The following ANO4 variants were observed in gnomAD, a reference collection of about 807,000 sequenced individuals.
ANO4 encodes anoctamin-4.
In ANO4, 69 loss-of-function variants were observed where a neutral mutation model predicts 141.9. That is an observed-to-expected ratio of 0.49 (90% CI 0.40 to 0.59). The LOEUF is 0.59. ANO4 is among the 20% of genes least tolerant of loss of function. The probability of loss-of-function intolerance (pLI) is 0.00; values close to 1 mark genes in which losing one functional copy is unlikely to be tolerated. For missense variants in ANO4, 894 were observed against 1,162.2 expected (o/e 0.77, Z 3.36); for synonymous variants, 350 against 394.3 (o/e 0.89, Z 1.33).
intron 14 of ANO4, among the ~76,000 whole-genome samples, chr12:101,054,250 A>G (rs1293424980): frequency 6.6e-6 from 1 of 152,234 alleles, no homozygotes; most frequent in Non-Finnish European, 1.5e-5. Context: ...AAATTTTTTT[A>G]AAGTAGGGTA....
chr12:100,837,851 T>A (rs1351250219), intron 1 of ANO4, among the ~76,000 whole-genome samples: 1 of 152,134 alleles, frequency 6.6e-6, no homozygotes, highest in African/African-American at 2.4e-5. Flanking sequence ...TCTTTAGATT[T>A]TCAAGTCAGC....
chr12:101,096,620 C>T lies in ANO4; in HGVS notation c.1823C>T (p.Thr608Ile), dbSNP rs757367090. ...LFQFVNLNSSTFYIAFFLGRF... is the reference protein window; with the variant it reads ...LFQFVNLNSSIFYIAFFLGRF... ...CAGTTTGTCAATCTGAACAGCTCCA[C>T]ATTTTACATCGCATTCTTCCTCGGA... Residue 608 changes from threonine (T) to isoleucine (I), a missense_variant, in exon 19 of 28, where the codon ACA (threonine) becomes ATA (isoleucine). By Grantham distance (89) the Thr-to-Ile change is moderately conservative. Around this residue, in one of 2 missense-constraint regions of ANO4, gnomAD observed 637 missense variants for 909.2 expected, o/e 0.70. Transcript: ENST00000392977. 6.2e-7 allele frequency: 1 copy of T among 1,613,430 alleles called. No homozygotes were observed. The highest frequency in any genetic ancestry group is 1.7e-5 in the Admixed American group (1 of 59,990).
At chr12:100,786,675 A>G (rs1758306945) in intron 3 of ANO4, among the ~76,000 whole-genome samples, 1 of 152,174 alleles carries the variant, frequency 6.6e-6, no homozygotes, top group South Asian at 2.1e-4. Flanking sequence ...GGAATGCTTT[A>G]CTATCCCCAA....
intron 3 of ANO4, among the ~76,000 whole-genome samples, chr12:100,926,985 G>T (rs769265094): frequency 6.6e-6 from 1 of 152,084 alleles, no homozygotes; most frequent in Non-Finnish European, 1.5e-5. Context: ...TGGGAAGGGG[G>T]CAGTCTCATC....
chr12:101,044,763 T>G (rs959524460), intron 13 of ANO4, among the ~76,000 whole-genome samples: 2 of 152,164 alleles, frequency 1.3e-5, no homozygotes, highest in African/African-American at 4.8e-5. Context: ...ATTTGAGCTC[T>G]TATGTTGCAA....
intron 22 of ANO4, among the ~76,000 whole-genome samples, chr12:101,104,700 A>C (rs2050373257): frequency 1.4e-5 from 2 of 140,850 alleles, no homozygotes; most frequent in African/African-American, 5.2e-5. Flanking sequence ...ATGCTCCTTT[A>C]TACCATCTAT....
intron 1 of ANO4, among the ~76,000 whole-genome samples, chr12:100,812,457 T>G (rs1469818621): frequency 6.6e-6 from 1 of 151,654 alleles, no homozygotes. Context: ...AACTCCAATA[T>G]GTTTGTATTT....
intron 1 of ANO4, among the ~76,000 whole-genome samples, chr12:100,810,203 A>G (rs2035320811): frequency 7.0e-6 from 1 of 143,244 alleles, no homozygotes; most frequent in East Asian, 2.4e-4. Flanking sequence ...TGATCAGGAC[A>G]TGAGCTGGGG....
chr12:100,850,491 A>G (rs368056653), intron 1 of ANO4, among the ~76,000 whole-genome samples: 4 of 151,888 alleles, frequency 2.6e-5, no homozygotes, highest in South Asian at 2.1e-4. Context: ...GAGGATCTAA[A>G]TTTTTTTCTT....
chr12:101,096,456 T>G, intron 18 of ANO4, 80 bp from the exon 19 acceptor site: 6 of 1,088,452 alleles, frequency 5.5e-6, no homozygotes, highest in Admixed American at 5.3e-5. Context: ...CCCCACCCTG[T>G]GTGTGTGGGG....
At chr12:101,018,806 T>G (rs1164495371) in intron 8 of ANO4, among the ~76,000 whole-genome samples, 1 of 152,194 alleles carries the variant, frequency 6.6e-6, no homozygotes, top group African/African-American at 2.4e-5. Context: ...CTTGCCTTTC[T>G]CTGGCATACA....
chr12:100,727,793 T>C (rs1055239103), intron 1 of ANO4, among the ~76,000 whole-genome samples: 4 of 152,148 alleles, frequency 2.6e-5, no homozygotes, highest in Admixed American at 6.5e-5. Context: ...TTATATTCCT[T>C]CTCCCACTGT....
At chr12:100,726,960 A>AC (rs535734069) in intron 1 of ANO4, among the ~76,000 whole-genome samples, 44,794 of 141,548 alleles carry the variant, frequency 0.32, 7,126 homozygotes, top group Non-Finnish European at 0.35. Context: ...TTGCCCCGGG[A>AC]CCCCCCCCGC....
At chr12:100,973,967 A>C (rs2044043173) in intron 6 of ANO4, among the ~76,000 whole-genome samples, 1 of 152,214 alleles carries the variant, frequency 6.6e-6, no homozygotes, top group Non-Finnish European at 1.5e-5. Context: ...GTGATATATA[A>C]ACTTACCATT....
At chr12:100,717,531 C>T in exon 1 of ANO4, 1 of 399,402 alleles carries the variant, frequency 2.5e-6, no homozygotes, top group Non-Finnish European at 4.4e-6. Flanking sequence ...CCAGGATGGC[C>T]TCCCTCACCG....
In ANO4 at chr12:101,128,030, T is replaced by C. The variant is rs1418565064; in HGVS notation, c.*174T>C. ...AGGACTGGCGTTGGAGTCACACTGC[T>C]GTGAAATCACGTTGCAGTCCAGCGC... On this transcript the variant is annotated 3_prime_UTR_variant, in exon 28 of 28. Coordinates refer to ENST00000392977, the MANE Select transcript of ANO4 (RefSeq NM_001286615.2). The C allele has an allele frequency of 1.3e-5, 2 of 152,674 alleles. No homozygotes were observed. The highest frequency in any genetic ancestry group is 4.8e-5 in the African/African-American group (2 of 41,464). 9.5% of individuals were successfully genotyped at this position (152,674 alleles called of 1,614,324 possible). A position where few individuals can be genotyped will look rare whatever the true frequency, so the allele number is the denominator to read the frequency against.
At chr12:100,799,673 G>A (rs767242853) in intron 1 of ANO4, among the ~76,000 whole-genome samples, 6 of 152,102 alleles carry the variant, frequency 3.9e-5, no homozygotes, top group African/African-American at 7.2e-5. Flanking sequence ...CCCAGGAGGC[G>A]GAGGTTGCAG....
rs1162394653 is a variant in ANO4, at chr12:100,765,623, G to A, written c.358+25518G>A. On this transcript the variant is annotated intron_variant, in intron 3 of 29. Transcript: ENST00000644049. ...ACTCCTGGGCTCAAGCGATCTTTCC[G>A]CCTTAGCCTCCCAGAATGCTAGGAA... Among the ~76,000 whole-genome samples, 5 of 148,806 alleles carry A rather than the reference G, an allele frequency of 3.4e-5. No individual in the cohort carries two copies. In the South Asian group the frequency reaches 6.3e-4, roughly 19 times the overall value.
At chr12:100,747,578 TA>T (rs1383691237) in intron 3 of ANO4, among the ~76,000 whole-genome samples, 7 of 152,192 alleles carry the variant, frequency 4.6e-5, no homozygotes, top group Non-Finnish European at 7.3e-5. Flanking sequence ...ATTGTGTTTC[TA>T]AAAAAGAACA....
Sources: allele counts gnomAD v4.1 joint callset (sites outside exome capture counted in the v4.1 genomes callset), GRCh38; gene constraint gnomAD v4.1.1; regional missense constraint gnomAD v4.1.1; transcripts MANE v1.5; gene names NCBI Gene and HGNC (gene_info 2026-07-23, HGNC 2026-07-21).